The following MYT1L variants were observed in gnomAD, a reference collection of about 807,000 sequenced individuals.
MYT1L encodes the protein myelin transcription factor 1 like, also known as myelin transcription factor 1-like protein.
In MYT1L, 12 loss-of-function variants were observed where a neutral mutation model predicts 126.7. That is an observed-to-expected ratio of 0.09 (90% confidence interval 0.06 to 0.15). The LOEUF (loss-of-function observed/expected upper bound fraction) is 0.15. Ranked by LOEUF, MYT1L falls within the 10% of genes least tolerant of loss-of-function variation. The pLI, the probability that MYT1L is intolerant of heterozygous loss-of-function variation, is 1.00. For synonymous variants in MYT1L, 541 were observed against 604.2 expected (o/e 0.90, Z 1.53); for missense variants, 979 against 1,585.2 (o/e 0.62, Z 6.49).
chr2:1,938,325 T>C (rs1221406069), intron 9 of MYT1L, among the ~76,000 whole-genome samples: 1 of 152,192 alleles, frequency 6.6e-6, no homozygotes, highest in African/African-American at 2.4e-5. Flanking sequence ...CCAAAAAATA[T>C]TTATCATAAC....
intron 2 of MYT1L, among the ~76,000 whole-genome samples, chr2:2,188,738 G>A (rs1305739152): frequency 6.6e-6 from 1 of 152,136 alleles, no homozygotes; most frequent in Non-Finnish European, 1.5e-5. Flanking sequence ...TATTGCTTAT[G>A]GGAAGTGGTA....
chr2:2,082,713 G>A (rs1283954073), intron 3 of MYT1L, among the ~76,000 whole-genome samples: 1 of 152,076 alleles, frequency 6.6e-6, no homozygotes, highest in Non-Finnish European at 1.5e-5. Flanking sequence ...TTCTTACTGG[G>A]GATATATATA....
chr2:1,914,564 C>T (rs1294072170), intron 11 of MYT1L, among the ~76,000 whole-genome samples: 1 of 152,152 alleles, frequency 6.6e-6, no homozygotes, highest in African/African-American at 2.4e-5. Context: ...CCCAGGCCTC[C>T]AGAGCCACCT....
chr2:2,171,861 G>A (rs767204524), intron 3 of MYT1L, among the ~76,000 whole-genome samples: 2 of 152,068 alleles, frequency 1.3e-5, no homozygotes, highest in Non-Finnish European at 2.9e-5. Flanking sequence ...TCTGTGCAGT[G>A]GTAAGTAGTT....
At chr2:1,920,140 T>C (rs149521571) in intron 10 of MYT1L, among the ~76,000 whole-genome samples, 3 of 152,260 alleles carry the variant, frequency 2.0e-5, no homozygotes, top group Non-Finnish European at 4.4e-5. Flanking sequence ...AACAGCTGGG[T>C]GAGACTGGAG....
At chr2:1,856,162 C>CT (rs1253992554) in intron 18 of MYT1L, among the ~76,000 whole-genome samples, 2 of 152,216 alleles carry the variant, frequency 1.3e-5, no homozygotes, top group Non-Finnish European at 2.9e-5. Flanking sequence ...ATTTGGAACT[C>CT]TGACTTTAAG....
chr2:2,260,138 G>A (rs568500563), intron 2 of MYT1L, among the ~76,000 whole-genome samples: 2 of 152,268 alleles, frequency 1.3e-5, no homozygotes, highest in African/African-American at 4.8e-5. Context: ...ACATTACAGA[G>A]AGAAACAGGA....
chr2:2,323,075 T>A (rs2096197900), intron 1 of MYT1L, among the ~76,000 whole-genome samples: 1 of 152,180 alleles, frequency 6.6e-6, no homozygotes, highest in African/African-American at 2.4e-5. Flanking sequence ...ATGTGAGTAC[T>A]AAGAAACTTG....
chr2:1,792,698 T>C (rs1230370561), intron 23 of MYT1L, among the ~76,000 whole-genome samples: 1 of 151,974 alleles, frequency 6.6e-6, no homozygotes, highest in East Asian at 1.9e-4. Context: ...GGTTAAACCC[T>C]GTCTCTACTA....
chr2:2,236,673 C>T (rs1179785057), intron 2 of MYT1L, among the ~76,000 whole-genome samples: 1 of 152,036 alleles, frequency 6.6e-6, no homozygotes, highest in Non-Finnish European at 1.5e-5. Flanking sequence ...CCAGCACATC[C>T]CAACCCAACC....
intron 3 of MYT1L, among the ~76,000 whole-genome samples, chr2:2,081,311 G>T (rs2075799519): frequency 6.6e-6 from 1 of 152,144 alleles, no homozygotes; most frequent in Non-Finnish European, 1.5e-5. Flanking sequence ...TATTTAGTTT[G>T]TAAAATTTAT....
rs903229985 is a variant in MYT1L at position 1,903,349 on chromosome 2, G to A, written c.1818-55C>T. The A allele has an allele frequency of 2.4e-5, 33 of 1,401,016 alleles. No homozygotes were observed. The Admixed American group carries it at 2.5e-4, about 11-fold the overall frequency. 86.8% of individuals were successfully genotyped at this position (1,401,016 alleles called of 1,614,324 possible). A position where few individuals can be genotyped will look rare whatever the true frequency, so the allele number is the denominator to read the frequency against. On this transcript the variant is annotated intron_variant, in intron 13 of 24. Transcript: ENST00000647738. ...CTTGCTTTCCTGTGGCTTTGTACAC[G>A]ACGAGCTTCACATTAAAACTAGAAT...
At chr2:1,991,795 C>T (rs1334498393) in intron 5 of MYT1L, among the ~76,000 whole-genome samples, 1 of 152,142 alleles carries the variant, frequency 6.6e-6, no homozygotes. Context: ...CTGACCCATC[C>T]CCCAAATCCA....
chr2:2,067,005 A>C (rs2073961388), intron 3 of MYT1L, among the ~76,000 whole-genome samples: 1 of 152,264 alleles, frequency 6.6e-6, no homozygotes, highest in African/African-American at 2.4e-5. Flanking sequence ...GGAAAACTTA[A>C]TATGGTAACG....
intron 8 of MYT1L, among the ~76,000 whole-genome samples, chr2:1,950,739 G>A (rs2057672822): frequency 1.3e-5 from 2 of 152,312 alleles, no homozygotes; most frequent in East Asian, 1.9e-4. Flanking sequence ...AGGCAGTCAG[G>A]GCCTCCCAGG....
chr2:1,832,211 G>A (rs370113132), intron 21 of MYT1L, among the ~76,000 whole-genome samples: 6 of 152,058 alleles, frequency 3.9e-5, no homozygotes, highest in Non-Finnish European at 5.9e-5. Context: ...AGATGCCAGC[G>A]AGCCTGCTCT....
intron 21 of MYT1L, among the ~76,000 whole-genome samples, chr2:1,823,249 T>C (rs2038814791): frequency 6.6e-6 from 1 of 152,264 alleles, no homozygotes; most frequent in African/African-American, 2.4e-5. Context: ...CTGGCTGTTA[T>C]AGTCGTGGTG....
chr2:1,842,091 G>C (rs1042252201), intron 19 of MYT1L: 2 of 152,214 alleles, frequency 1.3e-5, no homozygotes, highest in African/African-American at 4.8e-5. Flanking sequence ...TGTGGAAATC[G>C]CGGGCCCGGC....
intron 1 of MYT1L, among the ~76,000 whole-genome samples, chr2:2,320,879 A>C (rs1361027227): frequency 6.6e-6 from 1 of 151,992 alleles, no homozygotes; most frequent in Non-Finnish European, 1.5e-5. Context: ...CCTTATAATC[A>C]TTTCCCCCTC....
Sources: gnomAD v4.1 joint callset for allele counts (sites outside exome capture counted in the v4.1 genomes callset) on GRCh38, gnomAD v4.1.1 for gene constraint, MANE v1.5 for transcripts, NCBI Gene and HGNC (gene_info 2026-07-23, HGNC 2026-07-21) for gene names.